The following PFKL variants were observed in gnomAD, a reference collection of about 807,000 sequenced individuals.
The protein encoded by PFKL is phosphofructokinase, liver type.
In PFKL, 74 loss-of-function variants were observed where a neutral mutation model predicts 92.1. That is an observed-to-expected ratio of 0.80 (90% CI 0.67 to 0.97). The LOEUF is 0.97. Among genes scored for constraint, PFKL ranks in the 50% least tolerant of loss-of-function variants. The pLI, the probability that PFKL is intolerant of heterozygous loss-of-function variation, is 0.00. For synonymous variants in PFKL, 494 were observed against 456.4 expected (o/e 1.08, Z -1.05); for missense variants, 1,028 against 1,116.6 (o/e 0.92, Z 1.13).
chr21:44,307,267 G>A (rs961668085), intron 2 of PFKL: 10 of 985,098 alleles, frequency 1.0e-5, no homozygotes, highest in East Asian at 1.1e-4. Flanking sequence ...CAGGAGCAGC[G>A]GATGCCCTAC....
Position 44,305,777 on chromosome 21 carries a change from C to T in PFKL, c.86-904C>T, listed in dbSNP as rs371574014. 4.4e-6 allele frequency: 6 copies of T among 1,365,686 alleles called. No homozygotes were observed. In the African/African-American group the frequency reaches 8.9e-5, roughly 20 times the overall value. The allele number at this position is 1,365,686 out of a possible 1,614,324, so 84.6% of individuals were successfully genotyped here. On this transcript the variant is annotated intron_variant, in intron 1 of 21. Coordinates refer to ENST00000349048, the MANE Select transcript of PFKL (RefSeq NM_002626.6). ...CACCAGCGTTTCCTGAGTGCCGCCTCCCCCGTTAATGTCCCTCTCCAGGAA... is the reference window on the plus strand; with the variant it reads ...CACCAGCGTTTCCTGAGTGCCGCCTTCCCCGTTAATGTCCCTCTCCAGGAA...
At chr21:44,322,707 A>T (rs1555879668) in intron 14 of PFKL, among the ~76,000 whole-genome samples, 1 of 152,284 alleles carries the variant, frequency 6.6e-6, no homozygotes, top group Admixed American at 6.5e-5. Context: ...AGGGGTTCCC[A>T]CGGGGAGCCC....
At position 44,322,157 on chromosome 21, in the gene PFKL, G is replaced by A. The variant is rs762899008; in HGVS notation, c.1363G>A (p.Val455Met). 12 of 1,606,020 alleles carry A rather than the reference G, an allele frequency of 7.5e-6. No individual in the cohort carries two copies. The East Asian group carries it at 1.8e-4, about 24-fold the overall frequency. Residue 455 changes from valine to methionine, a missense_variant, in exon 14 of 22, where the codon GTG (valine) becomes ATG (methionine). Val to Met is a conservative substitution (Grantham distance 21, BLOSUM62 1). Transcript: ENST00000349048. The stretch of plus-strand genomic sequence containing the variant: ...GGTGCAAGAAGTAGGCTGGCACGAC[G>A]TGGCCGGCTGGTTGGGGCGTGGTGG... Reference protein sequence around the residue: ...GQVQEVGWHDVAGWLGRGGSM... With the variant: ...GQVQEVGWHDMAGWLGRGGSM...
chr21:44,318,360 G>A (rs903008986), intron 9 of PFKL, 110 bp from the exon 10 acceptor site: 14 of 1,224,998 alleles, frequency 1.1e-5, no homozygotes, highest in East Asian at 2.8e-5. Flanking sequence ...GGAAGCTTCC[G>A]TCAGCGTGGG....
chr21:44,301,947 C>T (rs1325350736), intron 1 of PFKL, among the ~76,000 whole-genome samples: 2 of 152,168 alleles, frequency 1.3e-5, no homozygotes, highest in Non-Finnish European at 2.9e-5. Context: ...GCCAGCCTGG[C>T]AGGTGGTTCT....
At chr21:44,315,991 C>T in intron 7 of PFKL, 1 of 531,132 alleles carries the variant, frequency 1.9e-6, no homozygotes, top group Non-Finnish European at 3.4e-6. Context: ...CCTTCCTCCC[C>T]TGCTGCCCTT....
chr21:44,326,502 G>A (rs1408117838), intron 21 of PFKL, among the ~76,000 whole-genome samples: 5 of 152,182 alleles, frequency 3.3e-5, no homozygotes, highest in Non-Finnish European at 5.9e-5. Flanking sequence ...AGCCAGGAGT[G>A]GGCACGCTTG....
At chr21:44,305,169 T>G in intron 1 of PFKL, 1 of 1,107,692 alleles carries the variant, frequency 9.0e-7, no homozygotes, top group African/African-American at 1.6e-5. Context: ...CCCTCTGGGA[T>G]CTCATTGGAT....
chr21:44,301,460 G>A (rs530270634), intron 1 of PFKL, among the ~76,000 whole-genome samples: 37 of 152,156 alleles, frequency 2.4e-4, no homozygotes, highest in Non-Finnish European at 4.6e-4. Context: ...AGGGGAGGGC[G>A]TTGTTCAAGG....
intron 3 of PFKL, among the ~76,000 whole-genome samples, chr21:44,311,749 C>G (rs1568950529): frequency 1.3e-5 from 2 of 152,192 alleles, no homozygotes; most frequent in Admixed American, 6.5e-5. Flanking sequence ...CCTGGAGGCC[C>G]TGGCCGGTTC....
intron 5 of PFKL, 109 bp from the exon 6 acceptor site, chr21:44,313,529 T>G: frequency 9.6e-7 from 1 of 1,042,384 alleles, no homozygotes. Context: ...GAAGGGGCTG[T>G]CCCCTGCCTG....
intron 2 of PFKL, among the ~76,000 whole-genome samples, chr21:44,310,699 G>A (rs188374543): frequency 2.0e-5 from 3 of 152,138 alleles, no homozygotes; most frequent in South Asian, 4.1e-4. Flanking sequence ...TGGGGCCTTC[G>A]GGACGCTGAA....
chr21:44,306,014 C>T (rs556649941), intron 1 of PFKL: 1 of 1,189,634 alleles, frequency 8.4e-7, no homozygotes, highest in Non-Finnish European at 1.1e-6. Flanking sequence ...GTTCTCAGTC[C>T]CCCATCTCAT....
chr21:44,300,201 G>T lies in PFKL; in HGVS notation c.85+11G>T. On this transcript the variant is annotated intron_variant, in intron 1 of 21. Transcript: ENST00000349048. ...GCGGCGACGCGCAAGGTGGGCGGGGGTCCCGGCCGCGTCGCGGCGCAGGGG... is the reference window on the plus strand; with the variant it reads ...GCGGCGACGCGCAAGGTGGGCGGGGTTCCCGGCCGCGTCGCGGCGCAGGGG... The T allele has an allele frequency of 9.2e-7, 1 of 1,089,120 alleles. No homozygotes were observed. The highest frequency in any genetic ancestry group is 3.2e-5 in the South Asian group (1 of 31,464). 67.5% of individuals were successfully genotyped at this position (1,089,120 alleles called of 1,614,324 possible).
chr21:44,316,346 G>A lies in PFKL; in HGVS notation c.843+7G>A. 1 of 1,613,122 alleles carries A rather than the reference G, an allele frequency of 6.2e-7. No homozygotes were observed. The highest frequency in any genetic ancestry group is 8.5e-7 in the Non-Finnish European group (1 of 1,179,810). ...GTCCAGCTACGTGAAGGACGTGCGT[G>A]TGGGCCTGGGGGTGGCCACTGGGCA... is the stretch of plus-strand genomic sequence containing the variant. On this transcript the variant is annotated splice_region_variant and intron_variant, in intron 8 of 21. Coordinates refer to ENST00000349048, the MANE Select transcript of PFKL (RefSeq NM_002626.6).
intron 7 of PFKL, 148 bp downstream of exon 7, chr21:44,314,169 A>G: frequency 1.6e-6 from 1 of 641,406 alleles, no homozygotes; most frequent in Non-Finnish European, 2.8e-6. Context: ...GGGACACGCA[A>G]GGAGTGGGGG....
At chr21:44,305,158 T>A in intron 1 of PFKL, 1 of 1,058,556 alleles carries the variant, frequency 9.4e-7, no homozygotes, top group African/African-American at 1.6e-5. Context: ...TCCCTCACCC[T>A]CCCTCTGGGA....
At chr21:44,309,725 C>A (rs1298686893) in intron 2 of PFKL, among the ~76,000 whole-genome samples, 1 of 152,184 alleles carries the variant, frequency 6.6e-6, no homozygotes, top group African/African-American at 2.4e-5. Context: ...TTCCTGTTTT[C>A]CTTGTTCCTA....
intron 1 of PFKL, among the ~76,000 whole-genome samples, chr21:44,306,168 C>T (rs939891230): frequency 3.9e-5 from 3 of 75,950 alleles, no homozygotes; most frequent in African/African-American, 1.7e-4. Flanking sequence ...TTCCACCTGC[C>T]CCACTTTTTA....
Sources: allele counts gnomAD v4.1 joint callset (sites outside exome capture counted in the v4.1 genomes callset), GRCh38; gene constraint gnomAD v4.1.1; transcripts MANE v1.5; gene names NCBI Gene and HGNC (gene_info 2026-07-23, HGNC 2026-07-21).